The following GALC variants were observed in gnomAD, a reference collection of about 807,000 sequenced individuals.
GALC encodes galactocerebrosidase.
Under a neutral mutation model 91.8 loss-of-function variants are expected in GALC, and 77 were observed. The observed-to-expected ratio is 0.84, with a 90% CI of 0.70 to 1.01. GALC has a LOEUF of 1.01. GALC is among the 50% of genes least tolerant of loss of function. The pLI is 0.00. For synonymous variants in GALC, 357 were observed against 306.7 expected (o/e 1.16, Z -1.71); for missense variants, 882 against 855.9 (o/e 1.03, Z -0.38).
chr14:87,934,318 C>T lies in GALC; in HGVS notation c.*414G>A, dbSNP rs1318316123. ...GCAGCATCATCTTGTGATGAAGACACTGGCTCACTTGGACACACGGTCAGC... is the reference window on the plus strand; with the variant it reads ...GCAGCATCATCTTGTGATGAAGACATTGGCTCACTTGGACACACGGTCAGC... On this transcript the variant is annotated 3_prime_UTR_variant, in exon 17 of 17. Transcript: ENST00000261304. The T allele has an allele frequency of 2.3e-6, 3 of 1,282,924 alleles. No individual in the cohort carries two copies. The highest frequency in any genetic ancestry group is 3.0e-6 in the Non-Finnish European group (3 of 1,008,464). 79.5% of individuals were successfully genotyped at this position (1,282,924 alleles called of 1,614,324 possible).
At chr14:87,945,875 T>A in intron 13 of GALC, 142 bp from the exon 14 acceptor site, 1 of 653,674 alleles carries the variant, frequency 1.5e-6, no homozygotes, top group Non-Finnish European at 2.6e-6. Flanking sequence ...AGGGCCTAGG[T>A]CTAATAAAGA....
chr14:87,962,019 T>G (rs1251168534), intron 10 of GALC, among the ~76,000 whole-genome samples: 2 of 152,190 alleles, frequency 1.3e-5, no homozygotes, highest in Non-Finnish European at 2.9e-5. Context: ...GGTCAGCTAT[T>G]GCTTTCCTAT....
intron 9 of GALC, among the ~76,000 whole-genome samples, chr14:87,964,997 C>T (rs748542283): frequency 6.6e-6 from 1 of 152,068 alleles, no homozygotes; most frequent in Non-Finnish European, 1.5e-5. Context: ...ATTTAGGGGA[C>T]AATATAAAGC....
intron 10 of GALC, 28 bp from the exon 11 acceptor site, chr14:87,950,776 C>G: frequency 6.8e-7 from 1 of 1,463,964 alleles, no homozygotes; most frequent in South Asian, 1.2e-5. Flanking sequence ...CATACATTAT[C>G]CAAATGATGT....
intron 10 of GALC, chr14:87,954,023 T>C: frequency 3.1e-6 from 5 of 1,609,872 alleles, no homozygotes; most frequent in Non-Finnish European, 4.2e-6. Flanking sequence ...ATGTTGTTAT[T>C]CATGAGGACC....
At chr14:87,968,533 C>A in intron 7 of GALC, 43 bp from the exon 8 acceptor site, 1 of 1,585,018 alleles carries the variant, frequency 6.3e-7, no homozygotes, top group Non-Finnish European at 8.7e-7. Flanking sequence ...AAGGTCACGA[C>A]GTGGCACTTA....
intron 14 of GALC, 30 bp from the exon 15 acceptor site, chr14:87,941,588 T>C: frequency 7.2e-7 from 1 of 1,386,894 alleles, no homozygotes; most frequent in Non-Finnish European, 1.0e-6. Flanking sequence ...ATTAGTACTC[T>C]TTAAAATATG....
chr14:87,938,705 G>C (rs1006170671), intron 16 of GALC, among the ~76,000 whole-genome samples: 7 of 151,862 alleles, frequency 4.6e-5, no homozygotes, highest in African/African-American at 1.7e-4. Context: ...TGTTTAGCTT[G>C]GGGGAAAAAT....
intron 10 of GALC, among the ~76,000 whole-genome samples, chr14:87,962,450 C>G (rs1238464274): frequency 1.3e-5 from 2 of 152,098 alleles, no homozygotes; most frequent in African/African-American, 4.8e-5. Context: ...AAGGTCAATA[C>G]TGCCAGGAAT....
chr14:87,988,549 T>G, intron 1 of GALC, 26 bp from the exon 2 acceptor site: 1 of 1,509,726 alleles, frequency 6.6e-7, no homozygotes, highest in Non-Finnish European at 9.2e-7. Context: ...TTCAAAAGTA[T>G]GAATAAAAGA....
chr14:87,936,329 A>G (rs1159808664), intron 16 of GALC, among the ~76,000 whole-genome samples: 2 of 152,038 alleles, frequency 1.3e-5, no homozygotes, highest in Non-Finnish European at 2.9e-5. Context: ...TTATCTCAGG[A>G]TAGGGCTCAG....
At chr14:87,966,043 C>A (rs573528556) in intron 8 of GALC, among the ~76,000 whole-genome samples, 162 of 152,256 alleles carry the variant, frequency 1.1e-3, no homozygotes, top group Non-Finnish European at 1.6e-3. Flanking sequence ...TTTTTATGAA[C>A]TTGACTCTGA....
chr14:87,969,165 T>C (rs1007723282), intron 7 of GALC, among the ~76,000 whole-genome samples: 1 of 152,200 alleles, frequency 6.6e-6, no homozygotes, highest in Non-Finnish European at 1.5e-5. Flanking sequence ...CTGGAGGGAA[T>C]ATTTGGCACT....
Position 87,963,215 on chromosome 14 carries a change from G to A in GALC, c.1161+169C>T, listed in dbSNP as rs575151892. On this transcript the variant is annotated intron_variant, in intron 10 of 16. Coordinates refer to ENST00000261304, the MANE Select transcript of GALC (RefSeq NM_000153.4). ...TTTTGTACAAATCAGTGAGTTGTGTGCTATGTTTTACGACTCATGGCTAAA... is the reference window on the plus strand; with the variant it reads ...TTTTGTACAAATCAGTGAGTTGTGTACTATGTTTTACGACTCATGGCTAAA... The A allele has an allele frequency of 1.1e-3, 672 of 626,786 alleles. 5 individuals carry two copies. Among genetic ancestry groups the A allele is most frequent in the South Asian group, 7.6e-3 (420 of 55,100 alleles). The allele number at this position is 626,786 out of a possible 1,614,324, so 38.8% of individuals were successfully genotyped here. A position where few individuals can be genotyped will look rare whatever the true frequency, so the allele number is the denominator to read the frequency against.
intron 16 of GALC, among the ~76,000 whole-genome samples, chr14:87,936,292 T>C (rs755922112): frequency 2.0e-5 from 3 of 152,086 alleles, no homozygotes; most frequent in Non-Finnish European, 4.4e-5. Flanking sequence ...TTCTTCATAA[T>C]CATTTATAAA....
chr14:87,944,342 G>A (rs1884979340), intron 14 of GALC, among the ~76,000 whole-genome samples: 1 of 151,872 alleles, frequency 6.6e-6, no homozygotes, highest in Non-Finnish European at 1.5e-5. Flanking sequence ...TATAGGGGAT[G>A]TCACAGAAAA....
chr14:87,979,661 T>C (rs2140023304), intron 6 of GALC, among the ~76,000 whole-genome samples: 1 of 152,302 alleles, frequency 6.6e-6, no homozygotes, highest in Non-Finnish European at 1.5e-5. Flanking sequence ...TTTTAATGTT[T>C]CCCTCAAATG....
intron 9 of GALC, 31 bp from the exon 10 acceptor site, chr14:87,963,542 C>T (rs978749790): frequency 1.3e-6 from 2 of 1,574,274 alleles, no homozygotes; most frequent in Non-Finnish European, 1.7e-6. Context: ...CCAAATAAGA[C>T]AAAAATGGTA....
At chr14:87,960,425 A>G (rs1885754544) in intron 10 of GALC, among the ~76,000 whole-genome samples, 1 of 152,256 alleles carries the variant, frequency 6.6e-6, no homozygotes, top group Admixed American at 6.5e-5. Context: ...TGCTTTCATC[A>G]CAAAGGAATG....
Sources: gnomAD v4.1 joint callset for allele counts (sites outside exome capture counted in the v4.1 genomes callset) on GRCh38, gnomAD v4.1.1 for gene constraint, MANE v1.5 for transcripts, NCBI Gene and HGNC (gene_info 2026-07-23, HGNC 2026-07-21) for gene names.